Variants in LAMA2 observed in about 807,000 individuals in gnomAD.
LAMA2 encodes the protein laminin subunit alpha 2.
Under a neutral mutation model 364.8 loss-of-function variants are expected in LAMA2, and 269 were observed. The ratio of observed to expected loss-of-function variants is 0.74; its 90% CI spans 0.67 to 0.82. The LOEUF (loss-of-function observed/expected upper bound fraction) is 0.82. Ranked by LOEUF, LAMA2 falls within the 40% of genes least tolerant of loss-of-function variation. The pLI, the probability that LAMA2 is intolerant of heterozygous loss-of-function variation, is 0.00. For synonymous variants in LAMA2, 1,379 were observed against 1,370.6 expected (o/e 1.01, Z -0.14); for missense variants, 3,807 against 3,873.2 (o/e 0.98, Z 0.45).
intron 13 of LAMA2, among the ~76,000 whole-genome samples, chr6:129,251,526 G>A (rs1441114092): frequency 6.6e-6 from 1 of 152,154 alleles, no homozygotes; most frequent in Non-Finnish European, 1.5e-5. Flanking sequence ...AAACCAAGAA[G>A]CATATGCTTC....
intron 29 of LAMA2, among the ~76,000 whole-genome samples, chr6:129,330,787 A>G (rs1280389987): frequency 6.6e-6 from 1 of 151,096 alleles, no homozygotes; most frequent in Non-Finnish European, 1.5e-5. Context: ...TGCAACGCTC[A>G]TTTCCCTGGC....
At chr6:129,139,521 A>G (rs982385373) in intron 4 of LAMA2, among the ~76,000 whole-genome samples, 1 of 152,148 alleles carries the variant, frequency 6.6e-6, no homozygotes, top group African/African-American at 2.4e-5. Flanking sequence ...TTATATGCAC[A>G]TACTATGCCA....
chr6:128,917,961 C>T (rs1778452231), intron 1 of LAMA2, among the ~76,000 whole-genome samples: 3 of 151,792 alleles, frequency 2.0e-5, no homozygotes, highest in Admixed American at 1.3e-4. Flanking sequence ...AACTCCTGGG[C>T]TCAAACAATC....
At chr6:129,422,123 C>T (rs999743335) in intron 40 of LAMA2, among the ~76,000 whole-genome samples, 2 of 152,096 alleles carry the variant, frequency 1.3e-5, no homozygotes, top group Admixed American at 1.3e-4. Flanking sequence ...GAAATACTCG[C>T]TCTCACATCC....
In LAMA2 at chr6:129,105,013, G is replaced by A. The variant is rs574165897; in HGVS notation, c.639+6598G>A. 2.0e-5 allele frequency among the ~76,000 whole-genome samples: 3 copies of A among 152,260 alleles called. No individual in the cohort carries two copies. In the South Asian group the frequency reaches 6.2e-4, roughly 32 times the overall value. ...TATGACTGGGTATGTCGTTATCCAG[G>A]CTGCAAATAGAAGGAGGCTTTGAGC... is the stretch of plus-strand genomic sequence containing the variant. On this transcript the variant is annotated intron_variant, in intron 4 of 64. Coordinates refer to ENST00000421865, the MANE Select transcript of LAMA2 (RefSeq NM_000426.4).
At chr6:128,983,268 GC>G (rs1394826395) in intron 1 of LAMA2, among the ~76,000 whole-genome samples, 1 of 151,814 alleles carries the variant, frequency 6.6e-6, no homozygotes, top group Non-Finnish European at 1.5e-5. Flanking sequence ...ATCCTCTCCA[GC>G]CCCTGTTGTT....
intron 4 of LAMA2, among the ~76,000 whole-genome samples, chr6:129,136,697 T>C (rs1335108946): frequency 6.6e-6 from 1 of 152,206 alleles, no homozygotes; most frequent in Non-Finnish European, 1.5e-5. Flanking sequence ...TAAAGACTGT[T>C]GTGTTGACTG....
At chr6:129,115,450 A>G (rs1489546346) in intron 4 of LAMA2, among the ~76,000 whole-genome samples, 1 of 152,086 alleles carries the variant, frequency 6.6e-6, no homozygotes, top group African/African-American at 2.4e-5. Flanking sequence ...TCGGATGCAT[A>G]TAGAATACTT....
At position 129,428,165 on chromosome 6, in the gene LAMA2, C is replaced by T. The variant is rs528887422; in HGVS notation, c.5968+311C>T. Among the ~76,000 whole-genome samples, 16 of 152,322 alleles carry T rather than the reference C, an allele frequency of 1.1e-4. No individual in the cohort carries two copies. The East Asian group carries it at 2.9e-3, about 28-fold the overall frequency. On this transcript the variant is annotated intron_variant, in intron 41 of 64. Transcript: ENST00000421865. ...CAAACCCAGGCCAGCCATAGTGGCT[C>T]ACACCTGTGATTCTAGTGCTTAGGG...
rs1788534938 is a variant in LAMA2, at chr6:129,056,983, T to C, written c.284-2801T>C. ...CCTGACCTCAGGTGATCTGCCCACC[T>C]CAGCCTCCCAAAGTGCTGGGATTAC... is the stretch of plus-strand genomic sequence containing the variant. On this transcript the variant is annotated intron_variant, in intron 2 of 64. Transcript: ENST00000421865. Among the ~76,000 whole-genome samples the C allele has an allele frequency of 1.3e-5, 2 of 151,872 alleles. 1 individual carries two copies. Among genetic ancestry groups the C allele is most frequent in the South Asian group, 4.2e-4 (2 of 4,808 alleles).
intron 41 of LAMA2, among the ~76,000 whole-genome samples, chr6:129,433,114 T>C (rs771928617): frequency 3.9e-5 from 6 of 152,134 alleles, no homozygotes; most frequent in Non-Finnish European, 8.8e-5. Context: ...TTGTGACAGC[T>C]ACTAGGGAAA....
chr6:129,418,333 A>G (rs181902043), intron 40 of LAMA2, among the ~76,000 whole-genome samples: 353 of 152,074 alleles, frequency 2.3e-3, no homozygotes, highest in African/African-American at 8.3e-3. Flanking sequence ...TCAATATTCC[A>G]TGATTTTTAT....
intron 12 of LAMA2, among the ~76,000 whole-genome samples, chr6:129,196,338 C>T (rs6925197): frequency 0.34 from 51,582 of 152,030 alleles, 12,044 homozygotes; most frequent in African/African-American, 0.67. Flanking sequence ...AAGAAGGAAA[C>T]TGATATTTGA....
chr6:129,124,699 T>C (rs577681400), intron 4 of LAMA2, among the ~76,000 whole-genome samples: 9 of 152,328 alleles, frequency 5.9e-5, no homozygotes, highest in Non-Finnish European at 1.0e-4. Flanking sequence ...TGCAATCTTT[T>C]TCATAAAAAA....
chr6:129,310,340 C>T (rs964271217), intron 22 of LAMA2, among the ~76,000 whole-genome samples: 5 of 152,114 alleles, frequency 3.3e-5, no homozygotes, highest in Non-Finnish European at 7.4e-5. Context: ...ACATAATACT[C>T]CTGGTAATGG....
chr6:128,988,291 C>G (rs117189060), intron 1 of LAMA2, among the ~76,000 whole-genome samples: 2 of 152,028 alleles, frequency 1.3e-5, no homozygotes, highest in Non-Finnish European at 2.9e-5. Flanking sequence ...GGATTGTCTA[C>G]TTGATGTTAA....
intron 1 of LAMA2, among the ~76,000 whole-genome samples, chr6:128,987,070 C>A (rs1783287899): frequency 6.6e-6 from 1 of 150,710 alleles, no homozygotes; most frequent in African/African-American, 2.4e-5. Context: ...ATCTTGCAAT[C>A]AGTTGTTTTG....
chr6:129,381,216 A>G (rs1778663618), intron 34 of LAMA2, among the ~76,000 whole-genome samples: 1 of 152,254 alleles, frequency 6.6e-6, no homozygotes, highest in Admixed American at 6.5e-5. Context: ...TGACCAAAAT[A>G]TAGATCAAGT....
intron 1 of LAMA2, among the ~76,000 whole-genome samples, chr6:129,010,518 T>A (rs2114693939): frequency 6.6e-6 from 1 of 152,330 alleles, no homozygotes; most frequent in Non-Finnish European, 1.5e-5. Flanking sequence ...ACTTTCATGA[T>A]GTATTTAAAT....
Sources: allele counts gnomAD v4.1 joint callset (sites outside exome capture counted in the v4.1 genomes callset), GRCh38; gene constraint gnomAD v4.1.1; transcripts MANE v1.5; gene names NCBI Gene and HGNC (gene_info 2026-07-23, HGNC 2026-07-21).